The following PATE1 variants were observed in gnomAD, a reference collection of about 807,000 sequenced individuals.
PATE1 encodes the protein prostate and testis expressed protein 1.
A neutral mutation model predicts 13.1 loss-of-function variants in PATE1; 21 were observed. The ratio of observed to expected loss-of-function variants is 1.61; its 90% CI spans 1.14 to 2.31. PATE1 has a LOEUF of 2.31. Ranked by LOEUF, PATE1 falls within the 30% of genes most tolerant of loss-of-function variation. The pLI, the probability that PATE1 is intolerant of heterozygous loss-of-function variation, is 0.00. For synonymous variants in PATE1, 52 were observed against 47.1 expected (o/e 1.10, Z -0.43); for missense variants, 166 against 147.2 (o/e 1.13, Z -0.66).
At chr11:125,747,631 A>C in intron 3 of PATE1, 69 bp from the exon 4 acceptor site, 1 of 1,596,814 alleles carries the variant, frequency 6.3e-7, no homozygotes, top group Non-Finnish European at 8.5e-7. Flanking sequence ...TCTAACCCAA[A>C]AGGGGAGAGG....
intron 1 of PATE1, 25 bp downstream of exon 1, chr11:125,746,381 G>C (rs564900212): frequency 2.4e-5 from 38 of 1,611,114 alleles, no homozygotes; most frequent in Non-Finnish European, 3.2e-5. Flanking sequence ...TTGACAGCTG[G>C]TAAGAGTCCT....
At position 125,749,603 on chromosome 11, in the gene PATE1, A is replaced by T. The variant is rs1409993362; in HGVS notation, c.*870A>T. ...TTTGAGTCTGGCCACTAGACATCTC[A>T]TCAGCCACTTGTGTGAAGAGATGCC... On this transcript the variant is annotated 3_prime_UTR_variant, in exon 5 of 5. Coordinates refer to ENST00000305738, the MANE Select transcript of PATE1 (RefSeq NM_138294.3). 1.3e-5 allele frequency: 2 copies of T among 152,116 alleles called. No homozygotes were observed. 9.4% of individuals were successfully genotyped at this position (152,116 alleles called of 1,614,324 possible). A position where few individuals can be genotyped will look rare whatever the true frequency, so the allele number is the denominator to read the frequency against.
In PATE1 at chr11:125,749,848, A is replaced by G. The variant is rs1395153806; in HGVS notation, c.*1115A>G. ...TAATAATAAAAATATAAAGAAAGCT[A>G]CCTTTCTTCTATACCCAAATTGTGT... On this transcript the variant is annotated 3_prime_UTR_variant, in exon 5 of 5. Coordinates refer to ENST00000305738, the MANE Select transcript of PATE1 (RefSeq NM_138294.3). 2.6e-5 allele frequency: 4 copies of G among 151,900 alleles called. No homozygotes were observed. The highest frequency in any genetic ancestry group is 4.4e-5 in the Non-Finnish European group (3 of 67,966). The allele number at this position is 151,900 out of a possible 1,614,324, so 9.4% of individuals were successfully genotyped here.
chr11:125,748,368 G>T (rs1943292556), intron 4 of PATE1, among the ~76,000 whole-genome samples: 2 of 152,164 alleles, frequency 1.3e-5, no homozygotes, highest in African/African-American at 4.8e-5. Context: ...GGCAATCCCT[G>T]AATTACGGCT....
In PATE1 at chr11:125,747,752, G is replaced by A. The variant is rs747587412; in HGVS notation, c.177G>A (p.Lys59=). The change falls in exon 4 of 5, where the codon AAG becomes AAA. Residue 59 remains lysine (K), a synonymous_variant. Coordinates refer to ENST00000305738, the MANE Select transcript of PATE1 (RefSeq NM_138294.3). ...RMCHLQFPGE[K]CSRGRGICTA... is the part of the protein sequence containing the mutation. Reference sequence around the variant, plus strand: ...GCCACCTCCAGTTCCCAGGAGAAAAGTGCTCCAGAGGAAGAGGAATATGCA... The same window carrying A: ...GCCACCTCCAGTTCCCAGGAGAAAAATGCTCCAGAGGAAGAGGAATATGCA... 9.9e-6 allele frequency: 16 copies of A among 1,613,886 alleles called. No individual in the cohort carries two copies. Among genetic ancestry groups the A allele is most frequent in the South Asian group, 2.2e-5 (2 of 91,084 alleles).
chr11:125,748,316 C>T (rs542572997), intron 4 of PATE1, among the ~76,000 whole-genome samples: 2 of 152,306 alleles, frequency 1.3e-5, no homozygotes, highest in East Asian at 3.9e-4. Context: ...ATAACCCTCA[C>T]TTGAACCAGT....
chr11:125,746,358 TGAGTCC>T lies in PATE1; in HGVS notation c.52+3_52+8del, dbSNP rs1236483812. On this transcript the variant is annotated splice_donor_5th_base_variant and intron_variant, in intron 1 of 4. Coordinates refer to ENST00000305738, the MANE Select transcript of PATE1 (RefSeq NM_138294.3). ...CCATCCTGCTCTGCTGCTTTAGGGG[TGAGTCC>T]CTAGGGTTGACAGCTGGTAAGAGTC... The T allele has an allele frequency of 6.2e-7, 1 of 1,613,440 alleles. No homozygotes were observed. Among genetic ancestry groups the T allele is most frequent in the African/African-American group, 1.3e-5 (1 of 74,864 alleles).
chr11:125,747,301 C>A, intron 2 of PATE1, 75 bp from the exon 3 acceptor site: 1 of 1,416,476 alleles, frequency 7.1e-7, no homozygotes, highest in South Asian at 1.2e-5. Flanking sequence ...CCCTGAAGGG[C>A]AGACTATAAG....
At position 125,748,835 on chromosome 11, in the gene PATE1, CT is replaced by C. The variant is rs374899259; in HGVS notation, c.*103del. On this transcript the variant is annotated 3_prime_UTR_variant, in exon 5 of 5. Transcript: ENST00000305738. ...AAAATCACACACACACACACACACA[CT>C]ACAGAAGAGGATTGCAAACACATGG... The C allele has an allele frequency of 0.36, 476,774 of 1,337,090 alleles. 76,718 individuals carry two copies. Among genetic ancestry groups the C allele is most frequent in the African/African-American group, 0.53 (35,580 of 67,432 alleles). 82.8% of individuals were successfully genotyped at this position (1,337,090 alleles called of 1,614,324 possible).
chr11:125,747,268 C>T, intron 2 of PATE1, 108 bp from the exon 3 acceptor site: 1 of 984,100 alleles, frequency 1.0e-6, no homozygotes. Flanking sequence ...TGGAATGGCT[C>T]CAGTTTAAGA....
chr11:125,748,680 T>C lies in PATE1; in HGVS notation c.328T>C (p.Leu110=). ...GAAAGGCATAAGGTGGAGTGTCTAT[T>C]TGGTGAACTTCAGGTGCTGCAGGAG... ...DVKGIRWSVY[L]VNFRCCRSHD... The change falls in exon 5 of 5, where the codon TTG becomes CTG. Residue 110 remains leucine (L), a synonymous_variant. Transcript: ENST00000305738. The C allele has an allele frequency of 6.2e-7, 1 of 1,613,970 alleles. No individual in the cohort carries two copies. The highest frequency in any genetic ancestry group is 8.5e-7 in the Non-Finnish European group (1 of 1,179,904).
chr11:125,746,348 G>A lies in PATE1; in HGVS notation c.44G>A (p.Cys15Tyr), dbSNP rs1224426160. 1 of 1,613,916 alleles carries A rather than the reference G, an allele frequency of 6.2e-7. No individual in the cohort carries two copies. The highest frequency in any genetic ancestry group is 1.7e-4 in the Middle Eastern group (1 of 6,058). ...LLLELPILLC[C>Y]FRALSGSLSM... ...CTGGAACTCCCCATCCTGCTCTGCT[G>A]CTTTAGGGGTGAGTCCCTAGGGTTG... Residue 15 changes from cysteine (C) to tyrosine (Y), a missense_variant, in exon 1 of 5, where the codon TGC becomes TAC. Coordinates refer to ENST00000305738, the MANE Select transcript of PATE1 (RefSeq NM_138294.3).
At chr11:125,748,498 C>T in intron 4 of PATE1, 102 bp from the exon 5 acceptor site, 1 of 1,362,536 alleles carries the variant, frequency 7.3e-7, no homozygotes, top group Non-Finnish European at 9.9e-7. Flanking sequence ...GAGCTTTGAA[C>T]TACACAAGAT....
Position 125,747,801 on chromosome 11 carries a change from A to G in PATE1, c.226A>G (p.Met76Val), listed in dbSNP as rs761928759. 2 of 1,613,756 alleles carry G rather than the reference A, an allele frequency of 1.2e-6. No homozygotes were observed. The highest frequency in any genetic ancestry group is 2.7e-5 in the African/African-American group (2 of 74,924). ...CACAGCAACAACAGAAGAGGCCTGC[A>G]TGGTTGGAAGGATGTTCAAAAGTAA... Reference protein sequence around the residue: ...ICTATTEEACMVGRMFKRDGN... With the variant: ...ICTATTEEACVVGRMFKRDGN... The change falls in exon 4 of 5, where the codon ATG becomes GTG. Residue 76 changes from methionine to valine, a missense_variant. Met to Val is a conservative substitution (Grantham distance 21, BLOSUM62 1). Coordinates refer to ENST00000305738, the MANE Select transcript of PATE1 (RefSeq NM_138294.3).
intron 1 of PATE1, 82 bp from the exon 2 acceptor site, chr11:125,746,579 T>C: frequency 6.5e-7 from 1 of 1,527,740 alleles, no homozygotes; most frequent in East Asian, 2.3e-5. Flanking sequence ...AGAGAGGAAT[T>C]GAGTGGATGT....
In PATE1 at chr11:125,746,384, A is replaced by G. The variant is rs1338783917; in HGVS notation, c.52+28A>G. 5 of 1,610,070 alleles carry G rather than the reference A, an allele frequency of 3.1e-6. No individual in the cohort carries two copies. In the African/African-American group the frequency reaches 5.3e-5, roughly 17 times the overall value. On this transcript the variant is annotated intron_variant, in intron 1 of 4. Transcript: ENST00000305738. ...GAGTCCCTAGGGTTGACAGCTGGTA[A>G]GAGTCCTGAATTTAGGAACAGGTGA...
intron 2 of PATE1, 96 bp from the exon 3 acceptor site, chr11:125,747,280 T>G: frequency 8.7e-7 from 1 of 1,148,576 alleles, no homozygotes; most frequent in South Asian, 1.3e-5. Flanking sequence ...AGTTTAAGAG[T>G]GCAGGATGGA....
intron 3 of PATE1, 121 bp from the exon 4 acceptor site, chr11:125,747,579 G>A (rs949937041): frequency 4.7e-6 from 7 of 1,481,036 alleles, no homozygotes; most frequent in South Asian, 2.4e-5. Context: ...AGAGGTTCAC[G>A]CTTGATGGGC....
chr11:125,746,607 T>A (rs2553829), intron 1 of PATE1, 54 bp from the exon 2 acceptor site: 1,312,188 of 1,591,932 alleles, frequency 0.82, 542,184 homozygotes, highest in African/African-American at 0.91. Flanking sequence ...AGCTTTGAGA[T>A]GGGGTTTGGA....
Sources: gnomAD v4.1 joint callset for allele counts (sites outside exome capture counted in the v4.1 genomes callset) on GRCh38, gnomAD v4.1.1 for gene constraint, MANE v1.5 for transcripts, NCBI Gene and HGNC (gene_info 2026-07-23, HGNC 2026-07-21) for gene names.